MYO10: variants seen among roughly 807,000 people sequenced by gnomAD.
MYO10 encodes unconventional myosin-X.
In MYO10, 133 loss-of-function variants were observed where a neutral mutation model predicts 257.3. That is an observed-to-expected ratio of 0.52 (90% CI 0.45 to 0.60). The LOEUF (loss-of-function observed/expected upper bound fraction) is 0.60. Among genes scored for constraint, MYO10 ranks in the 20% least tolerant of loss-of-function variants. The pLI is 0.00. For synonymous variants in MYO10, 1,104 were observed against 1,028.6 expected, an observed-to-expected ratio of 1.07 and a Z score of -1.40; for missense variants, 2,399 against 2,635.7, an observed-to-expected ratio of 0.91 and a Z score of 1.97.
intron 2 of MYO10, among the ~76,000 whole-genome samples, chr5:16,829,358 C>T (rs1017037563): frequency 3.3e-5 from 5 of 152,106 alleles, no homozygotes; most frequent in Admixed American, 3.3e-4. Flanking sequence ...AACACAGCAC[C>T]GAGACTTTCT....
rs546356852 is a variant in MYO10, at chr5:16,726,104, T to A, written c.1930-14859A>T. Among the ~76,000 whole-genome samples, 460 of 152,280 alleles carry A rather than the reference T, an allele frequency of 3.0e-3. 1 individual carries two copies. The highest frequency in any genetic ancestry group is 5.0e-3 in the Non-Finnish European group (338 of 68,014). On this transcript the variant is annotated intron_variant, in intron 19 of 40. Coordinates refer to ENST00000513610, the MANE Select transcript of MYO10 (RefSeq NM_012334.3). The stretch of plus-strand genomic sequence containing the variant: ...CCCAGCCCACTCAAGTCTTTTAACA[T>A]TAAATCCTTGCAGATCATGCCAGAT...
At position 16,702,561 on chromosome 5, in the gene MYO10, G is replaced by A. The variant is rs185964842; in HGVS notation, c.2538C>T (p.Ala846=). The part of the protein sequence containing the change: ...ERERERERRE[A]ELRAQQEEET... The stretch of plus-strand genomic sequence containing the variant: ...TCATTACCTGCTGGGCGCGGAGCTC[G>A]GCTTCTCTTCGCTCTCTCTCTCTTT... The change falls in exon 24 of 41, where the codon GCC becomes GCT. Residue 846 remains alanine (A), a synonymous_variant. Transcript: ENST00000513610. 304 of 1,591,216 alleles carry A rather than the reference G, an allele frequency of 1.9e-4. 2 individuals are homozygous for A. In the Middle Eastern group the frequency reaches 4.3e-3, roughly 23 times the overall value.
intron 6 of MYO10, among the ~76,000 whole-genome samples, chr5:16,781,300 A>C (rs1043720450): frequency 6.6e-6 from 1 of 152,024 alleles, no homozygotes; most frequent in Non-Finnish European, 1.5e-5. Flanking sequence ...GGCTGGTCTC[A>C]AACTCCTGAC....
intron 9 of MYO10, among the ~76,000 whole-genome samples, chr5:16,777,839 C>CT (rs61326508): frequency 0.019 from 1,669 of 88,366 alleles, 240 homozygotes; most frequent in African/African-American, 0.047. Flanking sequence ...TTGCATCTAA[C>CT]TTTTTTTTTT....
rs529927448 is a variant in MYO10, at chr5:16,721,421, C to T, written c.1930-10176G>A. On this transcript the variant is annotated intron_variant, in intron 19 of 40. Transcript: ENST00000513610. ...GGTAAATAAAAGTCACTTCAACTGG[C>T]GACAAAAGTCCTTTGTACTTACATC... is the stretch of plus-strand genomic sequence containing the variant. Among the ~76,000 whole-genome samples the T allele has an allele frequency of 3.9e-5, 6 of 152,274 alleles. No individual in the cohort carries two copies. In the South Asian group the frequency reaches 8.3e-4, roughly 21 times the overall value.
At chr5:16,767,478 A>G (rs1346529020) in intron 10 of MYO10, among the ~76,000 whole-genome samples, 2 of 151,968 alleles carry the variant, frequency 1.3e-5, no homozygotes, top group African/African-American at 4.8e-5. Context: ...CCAGCCCCCA[A>G]CTGTCTTTCA....
At chr5:16,876,026 T>G (rs751687179) in intron 2 of MYO10, among the ~76,000 whole-genome samples, 3 of 152,084 alleles carry the variant, frequency 2.0e-5, no homozygotes, top group Non-Finnish European at 2.9e-5. Context: ...GGCAGGAGAC[T>G]CACTTGAACC....
Position 16,769,070 on chromosome 5 carries a change from T to C in MYO10, c.1060+4A>G. ...GCGAGGAGGGCAGGCAGGCATAATCTTACCTGTTTTGAAGGAAACCTGTGC... is the reference window on the plus strand; with the variant it reads ...GCGAGGAGGGCAGGCAGGCATAATCCTACCTGTTTTGAAGGAAACCTGTGC... On this transcript the variant is annotated splice_donor_region_variant and intron_variant, in intron 10 of 40. Coordinates refer to ENST00000513610, the MANE Select transcript of MYO10 (RefSeq NM_012334.3). 1 of 1,607,426 alleles carries C rather than the reference T, an allele frequency of 6.2e-7. No individual in the cohort carries two copies. The highest frequency in any genetic ancestry group is 8.5e-7 in the Non-Finnish European group (1 of 1,177,744).
intron 3 of MYO10, among the ~76,000 whole-genome samples, chr5:16,800,805 A>G (rs751343692): frequency 4.6e-4 from 70 of 152,258 alleles, no homozygotes; most frequent in Middle Eastern, 6.8e-3. Flanking sequence ...AAGGGCCACT[A>G]TGTCAGGGGG....
At chr5:16,760,613 A>G (rs972576907) in intron 17 of MYO10, among the ~76,000 whole-genome samples, 3 of 152,220 alleles carry the variant, frequency 2.0e-5, no homozygotes, top group Admixed American at 6.5e-5. Context: ...AATATGTAAT[A>G]AATTTATAAT....
chr5:16,683,930 G>C lies in MYO10; in HGVS notation c.3996C>G (p.Thr1332=). The change falls in exon 30 of 41, where the codon ACC becomes ACG. Residue 1332 remains threonine (T), a synonymous_variant. Transcript: ENST00000513610. Reference sequence around the variant, plus strand: ...CAGAATCAATCAGCCCCACATCCAAGGTGCCCTGGAAAAGAACAAAAAGTA... The same window carrying C: ...CAGAATCAATCAGCCCCACATCCAACGTGCCCTGGAAAAGAACAAAAAGTA... ...EQANPQNAVG[T]LDVGLIDSVC... The C allele has an allele frequency of 6.2e-7, 1 of 1,613,444 alleles. No individual in the cohort carries two copies. Among genetic ancestry groups the C allele is most frequent in the Non-Finnish European group, 8.5e-7 (1 of 1,179,718 alleles).
rs113352233 is a variant in MYO10 at position 16,769,922 on chromosome 5, T to TTTTTG, written c.931-724_931-720dup. Among the ~76,000 whole-genome samples, 30 of 152,020 alleles carry TTTTTG rather than the reference T, an allele frequency of 2.0e-4. 1 individual carries two copies. Among genetic ancestry groups the TTTTTG allele is most frequent in the South Asian group, 1.5e-3 (7 of 4,814 alleles). On this transcript the variant is annotated intron_variant, in intron 9 of 40. Coordinates refer to ENST00000513610, the MANE Select transcript of MYO10 (RefSeq NM_012334.3). Reference sequence around the variant, plus strand: ...AGGGAGTACTTGGAGAGGGGGTGTATTTTTGTTTTGTTTTGTTTTGTTTTG... The same window carrying TTTTTG: ...AGGGAGTACTTGGAGAGGGGGTGTATTTTTGTTTTGTTTTGTTTTGTTTTGTTTTG...
chr5:16,701,348 G>A lies in MYO10; in HGVS notation c.3047C>T (p.Ser1016Leu). 1 of 1,613,938 alleles carries A rather than the reference G, an allele frequency of 6.2e-7. No individual in the cohort carries two copies. Among genetic ancestry groups the A allele is most frequent in the Non-Finnish European group, 8.5e-7 (1 of 1,179,844 alleles). The change falls in exon 25 of 41, where the codon TCA (serine) becomes TTA (leucine). Residue 1016 changes from serine to leucine, a missense_variant. Ser to Leu is a moderately radical substitution (Grantham distance 145). Transcript: ENST00000513610. This position sits in a 1 kb window ranked among gnomAD's most constrained non-coding sequence, Gnocchi z 8.1. ...CCGGATGCCACTTGTTCGCTGGTCT[G>A]AGTGGCCGTGCTCGCTGGGGTTGGG... Reference protein sequence around the residue: ...DSPNPSEHGHSDQRTSGIRTS... With the variant: ...DSPNPSEHGHLDQRTSGIRTS...
chr5:16,764,502 T>C (rs1740808592), intron 11 of MYO10, 106 bp from the exon 12 acceptor site: 1 of 1,261,468 alleles, frequency 7.9e-7, no homozygotes, highest in Non-Finnish European at 1.1e-6. Flanking sequence ...GCATAGCATC[T>C]GGCCCTCCAG....
intron 1 of MYO10, among the ~76,000 whole-genome samples, chr5:16,923,099 TA>T (rs1746033289): frequency 6.6e-6 from 1 of 152,138 alleles, no homozygotes; most frequent in South Asian, 2.1e-4. Flanking sequence ...CCTGCAATAG[TA>T]AGTTGTCCAG....
chr5:16,930,845 G>T (rs1242544556), intron 1 of MYO10, among the ~76,000 whole-genome samples: 2 of 152,198 alleles, frequency 1.3e-5, no homozygotes, highest in Non-Finnish European at 2.9e-5. Flanking sequence ...CAGCCTGGGG[G>T]CAGTTAGGCA....
At chr5:16,797,448 A>G (rs1045541751) in intron 3 of MYO10, among the ~76,000 whole-genome samples, 3 of 152,228 alleles carry the variant, frequency 2.0e-5, no homozygotes, top group South Asian at 2.1e-4. Flanking sequence ...AAAAGATATT[A>G]CCATATGACC....
chr5:16,879,050 C>G (rs1744689860), intron 1 of MYO10, among the ~76,000 whole-genome samples: 1 of 151,962 alleles, frequency 6.6e-6, no homozygotes, highest in African/African-American at 2.4e-5. Context: ...GAATGCAACA[C>G]TGAGCTTCAG....
intron 19 of MYO10, among the ~76,000 whole-genome samples, chr5:16,735,629 G>A (rs34998371): frequency 0.17 from 26,112 of 149,934 alleles, 2,394 homozygotes; most frequent in South Asian, 0.22. Flanking sequence ...GGAGGTCAAG[G>A]CTGCAGTGAG....
Sources: gnomAD v4.1 joint callset for allele counts (sites outside exome capture counted in the v4.1 genomes callset) on GRCh38, gnomAD v4.1.1 for gene constraint, Gnocchi (gnomAD v3.1) non-coding constraint, MANE v1.5 for transcripts, NCBI Gene and HGNC (gene_info 2026-07-23, HGNC 2026-07-21) for gene names.